The following WIPF3 variants were observed in gnomAD, a reference collection of about 807,000 sequenced individuals.
WIPF3 encodes WAS/WASL-interacting protein family member 3.
Under a neutral mutation model 38.9 loss-of-function variants are expected in WIPF3, and 33 were observed. The observed-to-expected ratio is 0.85, with a 90% CI of 0.64 to 1.14. WIPF3 has a LOEUF of 1.14. WIPF3 is among the 50% of genes most tolerant of loss of function. WIPF3 has a pLI of 0.00. For synonymous variants in WIPF3, 324 were observed against 269.3 expected (o/e 1.20, Z -1.99); for missense variants, 711 against 652.5 (o/e 1.09, Z -0.98).
chr7:29,808,399 T>C (rs917293334), intron 1 of WIPF3, among the ~76,000 whole-genome samples: 3 of 152,226 alleles, frequency 2.0e-5, no homozygotes, highest in African/African-American at 7.2e-5. Flanking sequence ...AACAGAGATA[T>C]TGTTATTGTG....
chr7:29,870,399 A>G lies in WIPF3; in HGVS notation c.91-5431A>G, dbSNP rs1785474062. ...ATCCAGAGGTGATGAATGCCTGCTTAAGGCATCATGGCAGCGATGGAGAAG... is the reference window on the plus strand; with the variant it reads ...ATCCAGAGGTGATGAATGCCTGCTTGAGGCATCATGGCAGCGATGGAGAAG... On this transcript the variant is annotated intron_variant, in intron 2 of 8. Coordinates refer to ENST00000242140, the MANE Select transcript of WIPF3 (RefSeq NM_001080529.3). 3.3e-5 allele frequency among the ~76,000 whole-genome samples: 5 copies of G among 152,206 alleles called. 1 individual carries two copies. The South Asian group carries it at 1.0e-3, about 32-fold the overall frequency.
At position 29,812,935 on chromosome 7, in the gene WIPF3, G is replaced by T. The variant is rs185587712; in HGVS notation, c.-58+6257G>T. On this transcript the variant is annotated intron_variant, in intron 1 of 8. Coordinates refer to ENST00000242140, the MANE Select transcript of WIPF3 (RefSeq NM_001080529.3). ...CTGCCTGTGTAAAGATTCCTAAATC[G>T]CTATTGTCAGCCTTGCTTCTTCTCT... 4.0e-3 allele frequency among the ~76,000 whole-genome samples: 609 copies of T among 152,292 alleles called. 4 individuals carry two copies. The highest frequency in any genetic ancestry group is 6.7e-3 in the Non-Finnish European group (453 of 68,016).
Position 29,914,512 on chromosome 7 carries a change from G to C in WIPF3, c.1448G>C (p.Arg483Pro). 6.6e-7 allele frequency: 1 copy of C among 1,519,254 alleles called. No individual in the cohort carries two copies. Among genetic ancestry groups the C allele is most frequent in the Admixed American group, 2.1e-5 (1 of 48,056 alleles). 94.1% of individuals were successfully genotyped at this position (1,519,254 alleles called of 1,614,324 possible). A position where few individuals can be genotyped will look rare whatever the true frequency, so the allele number is the denominator to read the frequency against. The change falls in exon 9 of 9, where the codon CGG becomes CCG. Residue 483 changes from arginine to proline, a missense_variant. Coordinates refer to ENST00000242140, the MANE Select transcript of WIPF3 (RefSeq NM_001080529.3). ...RNSQLSLKTL[R>P] ...CCACAGTTATCTCTAAAGACTCTTCGGTGAGAAGACAGATGAAGCGAAGGT... is the reference window on the plus strand; with the variant it reads ...CCACAGTTATCTCTAAAGACTCTTCCGTGAGAAGACAGATGAAGCGAAGGT...
chr7:29,856,760 A>C (rs1408591291), intron 2 of WIPF3, among the ~76,000 whole-genome samples: 1 of 152,150 alleles, frequency 6.6e-6, no homozygotes, highest in Non-Finnish European at 1.5e-5. Context: ...TGAAAATGGG[A>C]TGATACCCTT....
At chr7:29,881,442 A>G (rs1349461966) in intron 4 of WIPF3, among the ~76,000 whole-genome samples, 1 of 152,234 alleles carries the variant, frequency 6.6e-6, no homozygotes, top group Non-Finnish European at 1.5e-5. Flanking sequence ...GCACAGTGTC[A>G]TGGGCTCATG....
intron 1 of WIPF3, among the ~76,000 whole-genome samples, chr7:29,820,851 T>C (rs1394904148): frequency 6.6e-6 from 1 of 152,264 alleles, no homozygotes; most frequent in Admixed American, 6.5e-5. Context: ...TTGAGTATAA[T>C]AGCTAAGGAA....
intron 2 of WIPF3, among the ~76,000 whole-genome samples, chr7:29,854,154 C>G (rs1415884420): frequency 6.6e-6 from 1 of 152,202 alleles, no homozygotes; most frequent in African/African-American, 2.4e-5. Flanking sequence ...GTGAGGAGAG[C>G]ACATCCTTCC....
intron 1 of WIPF3, among the ~76,000 whole-genome samples, chr7:29,816,292 C>T (rs1054447946): frequency 3.9e-5 from 6 of 151,920 alleles, no homozygotes; most frequent in Non-Finnish European, 5.9e-5. Context: ...AAGGCATACT[C>T]GTTCTTTTAT....
intron 1 of WIPF3, among the ~76,000 whole-genome samples, chr7:29,809,135 C>A (rs573322432): frequency 1.5e-3 from 229 of 152,300 alleles, no homozygotes; most frequent in Non-Finnish European, 2.9e-3. Context: ...AGCCTTAAAT[C>A]TACGGAGAAA....
chr7:29,858,050 T>C (rs1785213949), intron 2 of WIPF3, among the ~76,000 whole-genome samples: 1 of 152,234 alleles, frequency 6.6e-6, no homozygotes, highest in Non-Finnish European at 1.5e-5. Context: ...TTAGTTTTTA[T>C]GGTAAGTGTC....
chr7:29,883,774 T>C, intron 4 of WIPF3, 76 bp from the exon 5 acceptor site: 6 of 1,491,884 alleles, frequency 4.0e-6, no homozygotes, highest in Non-Finnish European at 5.4e-6. Flanking sequence ...GGCTTGAGTG[T>C]CCTGAGTGCC....
chr7:29,849,215 G>A (rs906693369), intron 2 of WIPF3, among the ~76,000 whole-genome samples: 1 of 151,996 alleles, frequency 6.6e-6, no homozygotes, highest in African/African-American at 2.4e-5. Flanking sequence ...TGCCCTAATC[G>A]TTGAGTTGAC....
chr7:29,851,228 G>A (rs887785377), intron 2 of WIPF3, among the ~76,000 whole-genome samples: 1 of 152,204 alleles, frequency 6.6e-6, no homozygotes, highest in African/African-American at 2.4e-5. Context: ...GGAGGTGGGG[G>A]ACGGAGATTG....
chr7:29,862,754 C>A (rs1274110930), intron 2 of WIPF3, among the ~76,000 whole-genome samples: 2 of 152,164 alleles, frequency 1.3e-5, no homozygotes, highest in Non-Finnish European at 2.9e-5. Context: ...ACTGAGACAT[C>A]ATCTGTTGAC....
intron 2 of WIPF3, among the ~76,000 whole-genome samples, chr7:29,846,799 T>A (rs958518289): frequency 6.6e-6 from 1 of 152,252 alleles, no homozygotes; most frequent in African/African-American, 2.4e-5. Context: ...TGCTAAGCTG[T>A]CTGCTTCAGT....
chr7:29,888,610 C>A lies in WIPF3; in HGVS notation c.1249+393C>A, dbSNP rs569787851. On this transcript the variant is annotated intron_variant, in intron 6 of 8. Coordinates refer to ENST00000242140, the MANE Select transcript of WIPF3 (RefSeq NM_001080529.3). ...GGAGAAAGATACATAGAAGACTCAC[C>A]AGGTAGAGGGACATTTTGAGTACAA... Among the ~76,000 whole-genome samples the A allele has an allele frequency of 2.0e-5, 3 of 151,956 alleles. No individual in the cohort carries two copies. In the South Asian group the frequency reaches 6.2e-4, roughly 32 times the overall value.
intron 2 of WIPF3, among the ~76,000 whole-genome samples, chr7:29,862,901 A>C (rs1193029679): frequency 6.6e-6 from 1 of 152,042 alleles, no homozygotes; most frequent in Non-Finnish European, 1.5e-5. Flanking sequence ...ACTTTAAATA[A>C]TACACTGAAG....
chr7:29,807,897 C>T (rs1454093999), intron 1 of WIPF3, among the ~76,000 whole-genome samples: 5 of 152,180 alleles, frequency 3.3e-5, no homozygotes, highest in Non-Finnish European at 7.3e-5. Context: ...ACAGGGAGGA[C>T]TGGGAGTGCA....
At chr7:29,911,170 A>G (rs997820953) in intron 8 of WIPF3, among the ~76,000 whole-genome samples, 2 of 152,222 alleles carry the variant, frequency 1.3e-5, no homozygotes, top group Admixed American at 6.5e-5. Context: ...TTATGATAGC[A>G]TAGAAAAGAA....
Sources: gnomAD v4.1 joint callset for allele counts (sites outside exome capture counted in the v4.1 genomes callset) on GRCh38, gnomAD v4.1.1 for gene constraint, MANE v1.5 for transcripts, NCBI Gene and HGNC (gene_info 2026-07-23, HGNC 2026-07-21) for gene names.